HDAC1: variants seen among roughly 807,000 people sequenced by gnomAD.
The protein encoded by HDAC1 is protein deacetylase HDAC1.
A neutral mutation model predicts 65.5 loss-of-function variants in HDAC1; 18 were observed. The observed-to-expected ratio is 0.27, with a 90% confidence interval of 0.19 to 0.41. The LOEUF (loss-of-function observed/expected upper bound fraction) is 0.41, where lower values mean the gene tolerates loss of function less well. HDAC1 is among the 10% of genes least tolerant of loss of function. The pLI is 1.00. For synonymous variants in HDAC1, 211 were observed against 227.9 expected, an observed-to-expected ratio of 0.93 and a Z score of 0.67; for missense variants, 373 against 625.2, an observed-to-expected ratio of 0.60 and a Z score of 4.30.
chr1:32,326,796 G>A (rs948292168), intron 4 of HDAC1, 143 bp from the exon 5 acceptor site: 2 of 737,300 alleles, frequency 2.7e-6, no homozygotes, highest in Admixed American at 2.8e-5. Flanking sequence ...GAAGTAGGGT[G>A]GGAGGGAGGG....
chr1:32,299,245 A>G (rs1640813346), intron 1 of HDAC1, among the ~76,000 whole-genome samples: 1 of 152,044 alleles, frequency 6.6e-6, no homozygotes, highest in South Asian at 2.1e-4. Context: ...GTATAGGAAT[A>G]CACACAGCAC....
chr1:32,328,178 G>A (rs1012616916), intron 6 of HDAC1, among the ~76,000 whole-genome samples: 5 of 152,210 alleles, frequency 3.3e-5, no homozygotes, highest in East Asian at 1.9e-4. Flanking sequence ...AAGCTACTTC[G>A]TTGAACTGTT....
chr1:32,297,750 G>A (rs1327360623), intron 1 of HDAC1, among the ~76,000 whole-genome samples: 2 of 144,794 alleles, frequency 1.4e-5, no homozygotes, highest in Non-Finnish European at 3.0e-5. Context: ...AGCTGGGACT[G>A]GAGGCGCATG....
rs1467729568 is a variant in HDAC1 at position 32,327,776 on chromosome 1, T to C, written c.636+99T>C. Reference sequence around the variant, plus strand: ...ACTAAAAATTGCTTCTTGCCTCTTCTGCCAATCAGAATACCACATCCCAAT... The same window carrying C: ...ACTAAAAATTGCTTCTTGCCTCTTCCGCCAATCAGAATACCACATCCCAAT... On this transcript the variant is annotated intron_variant, in intron 6 of 13. Transcript: ENST00000373548. This position sits in a 1 kb window ranked among gnomAD's most constrained non-coding sequence, Gnocchi z 6.0. 9.9e-7 allele frequency: 1 copy of C among 1,013,504 alleles called. No homozygotes were observed. Among genetic ancestry groups the C allele is most frequent in the South Asian group, 1.3e-5 (1 of 76,006 alleles). The allele number at this position is 1,013,504 out of a possible 1,614,324, so 62.8% of individuals were successfully genotyped here.
chr1:32,325,897 T>C (rs1363917338), intron 4 of HDAC1, among the ~76,000 whole-genome samples: 3 of 151,950 alleles, frequency 2.0e-5, no homozygotes, highest in African/African-American at 7.2e-5. Context: ...CGTGGTGGTG[T>C]GTGCCTGTAA....
At chr1:32,310,688 A>G (rs1233867448) in intron 2 of HDAC1, among the ~76,000 whole-genome samples, 1 of 152,052 alleles carries the variant, frequency 6.6e-6, no homozygotes, top group Non-Finnish European at 1.5e-5. Flanking sequence ...CATCTCTACT[A>G]AAAATACAAA....
At chr1:32,298,112 A>G (rs1640794758) in intron 1 of HDAC1, among the ~76,000 whole-genome samples, 1 of 73,228 alleles carries the variant, frequency 1.4e-5, no homozygotes, top group Admixed American at 1.6e-4. Flanking sequence ...TTTGAGACCA[A>G]GTTTTGCTCT....
intron 1 of HDAC1, among the ~76,000 whole-genome samples, chr1:32,295,330 G>A (rs890835371): frequency 4.6e-5 from 7 of 152,042 alleles, no homozygotes; most frequent in Middle Eastern, 3.2e-3. Context: ...GATCCTGGGA[G>A]GTCGACTCTG....
At position 32,331,357 on chromosome 1, in the gene HDAC1, C is replaced by T. The variant is rs1440417609; in HGVS notation, c.980-117C>T. On this transcript the variant is annotated intron_variant, in intron 9 of 13. Transcript: ENST00000373548. The surrounding 1 kb of genome is among the most constrained non-coding windows in gnomAD (Gnocchi z 4.2). ...TCTCACAGTGTCTTGGAGGCATTCT[C>T]CTCTGTTTGGATAAATAGGCCCAGA... The T allele has an allele frequency of 3.0e-6, 2 of 669,470 alleles. No homozygotes were observed. Among genetic ancestry groups the T allele is most frequent in the South Asian group, 1.8e-5 (1 of 56,348 alleles). The allele number at this position is 669,470 out of a possible 1,614,324, so 41.5% of individuals were successfully genotyped here.
intron 3 of HDAC1, among the ~76,000 whole-genome samples, chr1:32,322,737 G>A (rs186530831): frequency 7.2e-5 from 11 of 152,186 alleles, no homozygotes; most frequent in East Asian, 3.9e-4. Flanking sequence ...CATTAGGCCC[G>A]AAATAACTTT....
At chr1:32,294,079 A>C (rs950575528) in intron 1 of HDAC1, among the ~76,000 whole-genome samples, 10 of 152,100 alleles carry the variant, frequency 6.6e-5, no homozygotes, top group South Asian at 2.1e-4. Flanking sequence ...AAAAAAAAAA[A>C]AACAAAAAAA....
chr1:32,313,817 A>G (rs867493002), intron 2 of HDAC1, among the ~76,000 whole-genome samples: 1 of 152,258 alleles, frequency 6.6e-6, no homozygotes, highest in African/African-American at 2.4e-5. Flanking sequence ...GCATGTTTCC[A>G]TGGTCCTAGT....
chr1:32,292,445 T>C lies in HDAC1; in HGVS notation c.49+227T>C, dbSNP rs80132512. On this transcript the variant is annotated intron_variant, in intron 1 of 13. Coordinates refer to ENST00000373548, the MANE Select transcript of HDAC1 (RefSeq NM_004964.3). ...GCGTGGGGGAAGCGTGAGGTAATCT[T>C]GATGGGAAGATTCTGAGGAAGTCTG... is the stretch of plus-strand genomic sequence containing the variant. 1,330 of 984,908 alleles carry C rather than the reference T, an allele frequency of 1.4e-3. 17 individuals are homozygous for C. The African/African-American group carries it at 0.022, about 16-fold the overall frequency. 61.0% of individuals were successfully genotyped at this position (984,908 alleles called of 1,614,324 possible). A position where few individuals can be genotyped will look rare whatever the true frequency, so the allele number is the denominator to read the frequency against.
rs1026927571 is a variant in HDAC1, at chr1:32,327,295, G to A, written c.494+218G>A. ...AGATGCTGCTCAGATCCTGCCTCCA[G>A]AGTGTCCCTGTGTGGCTGGAGTTGA... On this transcript the variant is annotated intron_variant, in intron 5 of 13. Coordinates refer to ENST00000373548, the MANE Select transcript of HDAC1 (RefSeq NM_004964.3). The surrounding 1 kb of genome is among the most constrained non-coding windows in gnomAD (Gnocchi z 6.0). The A allele has an allele frequency of 3.2e-6, 2 of 618,362 alleles. No homozygotes were observed. Among genetic ancestry groups the A allele is most frequent in the Non-Finnish European group, 5.7e-6 (2 of 351,584 alleles). 38.3% of individuals were successfully genotyped at this position (618,362 alleles called of 1,614,324 possible). A position where few individuals can be genotyped will look rare whatever the true frequency, so the allele number is the denominator to read the frequency against.
At chr1:32,332,954 C>G in intron 13 of HDAC1, 63 bp from the exon 14 acceptor site, 1 of 1,553,424 alleles carries the variant, frequency 6.4e-7, no homozygotes, top group East Asian at 2.3e-5. Flanking sequence ...AAGTCACTGT[C>G]TGCACTTTTG....
intron 3 of HDAC1, among the ~76,000 whole-genome samples, chr1:32,322,700 A>G (rs1641163794): frequency 6.6e-6 from 1 of 152,126 alleles, no homozygotes; most frequent in Non-Finnish European, 1.5e-5. Flanking sequence ...ATGTTTCCAC[A>G]TTATGTACTA....
In HDAC1 at chr1:32,330,894, C is replaced by A. The variant is rs565534358; in HGVS notation, c.965C>A (p.Thr322Lys). 6.2e-7 allele frequency: 1 copy of A among 1,614,098 alleles called. No individual in the cohort carries two copies. The highest frequency in any genetic ancestry group is 2.2e-5 in the East Asian group (1 of 44,890). The change falls in exon 9 of 14, where the codon ACG (threonine) becomes AAG (lysine). Residue 322 changes from threonine to lysine, a missense_variant. This residue lies in a region of HDAC1 where 105 missense variants were observed against 192.6 expected (regional missense o/e 0.55). Coordinates refer to ENST00000373548, the MANE Select transcript of HDAC1 (RefSeq NM_004964.3). The surrounding 1 kb of genome is among the most constrained non-coding windows in gnomAD (Gnocchi z 4.2). Reference sequence around the variant, plus strand: ...TATGAGACAGCTGTGGCCCTGGATACGGAGATCCCTAATGGTAATAGCTGC... The same window carrying A: ...TATGAGACAGCTGTGGCCCTGGATAAGGAGATCCCTAATGGTAATAGCTGC... ...WTYETAVALD[T>K]EIPNELPYND...
intron 3 of HDAC1, among the ~76,000 whole-genome samples, chr1:32,318,555 CAA>C (rs56896109): frequency 1.5e-5 from 2 of 135,426 alleles, no homozygotes; most frequent in Non-Finnish European, 1.6e-5. Context: ...AGAGCGAGAC[CAA>C]AAAAAAAAAG....
rs148240824 is a variant in HDAC1, at chr1:32,295,529, G to A, written c.49+3311G>A. ...AGGGTCTGGTCTCTACTTCCAATAT[G>A]GTGCTTTGAATTCAGTGTTTTCATA... On this transcript the variant is annotated intron_variant, in intron 1 of 13. Coordinates refer to ENST00000373548, the MANE Select transcript of HDAC1 (RefSeq NM_004964.3). 7.9e-5 allele frequency among the ~76,000 whole-genome samples: 12 copies of A among 152,260 alleles called. 1 individual carries two copies. The South Asian group carries it at 1.2e-3, about 16-fold the overall frequency.
Sources: gnomAD v4.1 joint callset for allele counts (sites outside exome capture counted in the v4.1 genomes callset) on GRCh38, gnomAD v4.1.1 for gene constraint, gnomAD v4.1.1 regional missense constraint, Gnocchi (gnomAD v3.1) non-coding constraint, MANE v1.5 for transcripts, NCBI Gene and HGNC (gene_info 2026-07-23, HGNC 2026-07-21) for gene names.